KIAA1328: variants seen among roughly 807,000 people sequenced by gnomAD.
KIAA1328 encodes the protein protein hinderin.
Under a neutral mutation model 68.1 loss-of-function variants are expected in KIAA1328, and 52 were observed. The ratio of observed to expected loss-of-function variants is 0.76; its 90% CI spans 0.61 to 0.96. The LOEUF (loss-of-function observed/expected upper bound fraction) is 0.96. Among genes scored for constraint, KIAA1328 ranks in the 40% least tolerant of loss-of-function variants. The probability of loss-of-function intolerance (pLI) is 0.00; values close to 1 mark genes in which losing one functional copy is unlikely to be tolerated. For missense variants in KIAA1328, 641 were observed against 677.6 expected (o/e 0.95, Z 0.60); for synonymous variants, 232 against 239.4 (o/e 0.97, Z 0.28).
At chr18:37,023,381 A>G (rs2054424826) in intron 6 of KIAA1328, among the ~76,000 whole-genome samples, 1 of 150,162 alleles carries the variant, frequency 6.7e-6, no homozygotes, top group African/African-American at 2.4e-5. Flanking sequence ...AGCCAGACTA[A>G]TTTTTTTTTT....
chr18:36,999,720 G>A (rs2053519574), intron 6 of KIAA1328, among the ~76,000 whole-genome samples: 2 of 152,074 alleles, frequency 1.3e-5, no homozygotes, highest in South Asian at 4.1e-4. Context: ...ATTTCACTGA[G>A]GAAATTTGCT....
intron 6 of KIAA1328, among the ~76,000 whole-genome samples, chr18:37,035,697 A>T (rs769021278): frequency 1.6e-4 from 25 of 152,286 alleles, no homozygotes; most frequent in Non-Finnish European, 3.1e-4. Context: ...TTCTTGTATG[A>T]TGTGATTTTT....
At chr18:36,878,224 G>A (rs1179400664) in intron 4 of KIAA1328, among the ~76,000 whole-genome samples, 1 of 152,140 alleles carries the variant, frequency 6.6e-6, no homozygotes, top group African/African-American at 2.4e-5. Context: ...GCCTGGTGGT[G>A]ACAAAATCTC....
At chr18:37,185,123 G>A (rs562839352) in intron 9 of KIAA1328, among the ~76,000 whole-genome samples, 35 of 151,196 alleles carry the variant, frequency 2.3e-4, no homozygotes, top group Admixed American at 7.9e-4. Context: ...CTGAGATCGC[G>A]CCACTGCACT....
chr18:37,089,986 T>A (rs1264875796), intron 7 of KIAA1328, among the ~76,000 whole-genome samples: 2 of 152,252 alleles, frequency 1.3e-5, no homozygotes, highest in East Asian at 3.8e-4. Flanking sequence ...CCCTACCATT[T>A]GCTCTTATTT....
chr18:37,035,230 T>C lies in KIAA1328; in HGVS notation c.577-31660T>C, dbSNP rs531403249. Among the ~76,000 whole-genome samples, 13 of 152,328 alleles carry C rather than the reference T, an allele frequency of 8.5e-5. No homozygotes were observed. In the South Asian group the frequency reaches 2.7e-3, roughly 32 times the overall value. On this transcript the variant is annotated intron_variant, in intron 6 of 9. Coordinates refer to ENST00000280020, the MANE Select transcript of KIAA1328 (RefSeq NM_020776.3). ...AGCCAGGTGGAATCCATCATGATGC[T>C]AGAAGGTATTTGCTAGTGCAGTGGT... is the stretch of plus-strand genomic sequence containing the variant.
At chr18:36,988,437 C>T (rs900821449) in intron 6 of KIAA1328, among the ~76,000 whole-genome samples, 1 of 152,134 alleles carries the variant, frequency 6.6e-6, no homozygotes, top group Admixed American at 6.5e-5. Flanking sequence ...AGACACCTGT[C>T]ATCGTAACTT....
chr18:37,197,480 ATAT>A (rs893058355), intron 9 of KIAA1328, among the ~76,000 whole-genome samples: 1 of 152,138 alleles, frequency 6.6e-6, no homozygotes, highest in Admixed American at 6.5e-5. Context: ...CATATATGGG[ATAT>A]TAGTCCCAGG....
chr18:37,014,744 C>A (rs1359514962), intron 6 of KIAA1328, among the ~76,000 whole-genome samples: 1 of 152,058 alleles, frequency 6.6e-6, no homozygotes, highest in Non-Finnish European at 1.5e-5. Context: ...GGAAATCCAT[C>A]CCCATAATAC....
At chr18:36,971,385 T>C (rs2052202689) in intron 6 of KIAA1328, among the ~76,000 whole-genome samples, 1 of 152,036 alleles carries the variant, frequency 6.6e-6, no homozygotes, top group Non-Finnish European at 1.5e-5. Flanking sequence ...ACATAGGCAC[T>C]TTGGGAAGCC....
chr18:36,922,345 CA>C (rs2049959231), intron 5 of KIAA1328, among the ~76,000 whole-genome samples: 1 of 152,116 alleles, frequency 6.6e-6, no homozygotes, highest in South Asian at 2.1e-4. Flanking sequence ...CATGTCTATC[CA>C]CCTTCCCCAA....
intron 4 of KIAA1328, among the ~76,000 whole-genome samples, chr18:36,847,823 A>C (rs1440031838): frequency 6.6e-6 from 1 of 151,600 alleles, no homozygotes; most frequent in Non-Finnish European, 1.5e-5. Flanking sequence ...CACAAATTGC[A>C]AAGGTTGTTT....
In KIAA1328 at chr18:37,002,950, G is replaced by A. The variant is rs193288021; in HGVS notation, c.576+43515G>A. Reference sequence around the variant, plus strand: ...CTTTAAAATATATTGTAAGACCATCGGAACCAAAATAGTATGCCATTGATT... The same window carrying A: ...CTTTAAAATATATTGTAAGACCATCAGAACCAAAATAGTATGCCATTGATT... On this transcript the variant is annotated intron_variant, in intron 6 of 9. Coordinates refer to ENST00000280020, the MANE Select transcript of KIAA1328 (RefSeq NM_020776.3). Among the ~76,000 whole-genome samples, 698 of 152,106 alleles carry A rather than the reference G, an allele frequency of 4.6e-3. 6 individuals are homozygous for A. The highest frequency in any genetic ancestry group is 0.031 in the South Asian group (149 of 4,826).
At position 36,829,164 on chromosome 18, in the gene KIAA1328, G is replaced by T. The variant is rs773602759; in HGVS notation, c.26G>T (p.Arg9Leu). The T allele has an allele frequency of 1.5e-5, 23 of 1,525,316 alleles. No individual in the cohort carries two copies. In the East Asian group the frequency reaches 5.9e-4, roughly 39 times the overall value. 94.5% of individuals were successfully genotyped at this position (1,525,316 alleles called of 1,614,324 possible). ...ATGGCGGACGTGGCGGGCCCCTCCCGCCCCAGTGCCGCGGCGTTCTGGAGC... is the reference window on the plus strand; with the variant it reads ...ATGGCGGACGTGGCGGGCCCCTCCCTCCCCAGTGCCGCGGCGTTCTGGAGC... MADVAGPSRPSAAAFWSRD... is the reference protein window; with the variant it reads MADVAGPSLPSAAAFWSRD... Residue 9 changes from arginine (R) to leucine (L), a missense_variant, in exon 1 of 10, where the codon CGC becomes CTC. Transcript: ENST00000280020.
rs540312585 is a variant in KIAA1328, at chr18:36,974,493, G to A, written c.576+15058G>A. ...AGACATAATTGCATTCTTTTTTTGC[G>A]GATGAATAGTATTCCATTGTGTATA... On this transcript the variant is annotated intron_variant, in intron 6 of 9. Transcript: ENST00000280020. 7.9e-5 allele frequency among the ~76,000 whole-genome samples: 12 copies of A among 151,902 alleles called. No homozygotes were observed. In the East Asian group the frequency reaches 1.7e-3, roughly 22 times the overall value.
intron 7 of KIAA1328, among the ~76,000 whole-genome samples, chr18:37,139,825 A>G (rs758580310): frequency 6.6e-6 from 1 of 152,200 alleles, no homozygotes; most frequent in Admixed American, 6.5e-5. Flanking sequence ...ATAAGGCCCC[A>G]TTAAAAATAC....
chr18:37,103,584 A>G (rs1419563064), intron 7 of KIAA1328, among the ~76,000 whole-genome samples: 4 of 152,232 alleles, frequency 2.6e-5, no homozygotes, highest in Non-Finnish European at 5.9e-5. Flanking sequence ...ATTTTAGGAC[A>G]TTGGTCTTGG....
intron 7 of KIAA1328, among the ~76,000 whole-genome samples, chr18:37,095,862 A>C (rs1568397523): frequency 2.6e-5 from 4 of 152,182 alleles, no homozygotes; most frequent in Admixed American, 1.3e-4. Flanking sequence ...ATTATGAAAA[A>C]CTGTATTCTA....
Position 37,121,819 on chromosome 18 carries a change from A to G in KIAA1328, c.1233-38381A>G, listed in dbSNP as rs539871064. On this transcript the variant is annotated intron_variant, in intron 7 of 9. Coordinates refer to ENST00000280020, the MANE Select transcript of KIAA1328 (RefSeq NM_020776.3). ...TTTTTTGAAGAGATGCAGGCCTCCT[A>G]TTTGTTATTTAGGTGAATGCATGAA... Among the ~76,000 whole-genome samples, 13 of 152,046 alleles carry G rather than the reference A, an allele frequency of 8.6e-5. No homozygotes were observed. The East Asian group carries it at 2.5e-3, about 29-fold the overall frequency.
Sources: gnomAD v4.1 joint callset for allele counts (sites outside exome capture counted in the v4.1 genomes callset) on GRCh38, gnomAD v4.1.1 for gene constraint, MANE v1.5 for transcripts, NCBI Gene and HGNC (gene_info 2026-07-23, HGNC 2026-07-21) for gene names.